MED13L: variants seen among roughly 807,000 people sequenced by gnomAD.
The protein encoded by MED13L is mediator of RNA polymerase II transcription subunit 13-like.
In MED13L, 7 loss-of-function variants were observed where a neutral mutation model predicts 220.9. The observed-to-expected ratio is 0.03, with a 90% CI of 0.02 to 0.06. The LOEUF is 0.06. MED13L is among the 10% of genes least tolerant of loss of function. The pLI is 1.00. For missense variants in MED13L, 1,965 were observed against 2,760.5 expected (o/e 0.71, Z 6.46); for synonymous variants, 1,011 against 1,015.2 (o/e 1.00, Z 0.08).
At chr12:116,085,750 TCACTCACACA>T (rs1469225344) in intron 4 of MED13L, among the ~76,000 whole-genome samples, 3 of 100,060 alleles carry the variant, frequency 3.0e-5, no homozygotes, top group Non-Finnish European at 5.9e-5. Flanking sequence ...AAGATTAAAA[TCACTCACACA>T]CACACACACA....
At position 115,983,146 on chromosome 12, in the gene MED13L, A is replaced by G. The variant is rs907561493; in HGVS notation, c.4926T>C (p.Ser1642=). 6.2e-7 allele frequency: 1 copy of G among 1,613,954 alleles called. No individual in the cohort carries two copies. Among genetic ancestry groups the G allele is most frequent in the South Asian group, 1.1e-5 (1 of 91,066 alleles). ...CGGDTDPGQS[S]SQPSQDGQES... ...CTTGTCCATCCTGTGAGGGCTGAGA[A>G]GAGCTCTGCCCAGGGTCAGTGTCTC... The change falls in exon 21 of 31, where the codon TCT becomes TCC. Residue 1642 remains serine, a synonymous_variant. Transcript: ENST00000281928.
At chr12:116,062,103 C>A (rs921545139) in intron 4 of MED13L, among the ~76,000 whole-genome samples, 4 of 150,382 alleles carry the variant, frequency 2.7e-5, no homozygotes, top group African/African-American at 7.3e-5. Context: ...TGAATCAATT[C>A]TCTTCTATTG....
chr12:116,165,987 A>G (rs190917584), intron 2 of MED13L, among the ~76,000 whole-genome samples: 173 of 152,322 alleles, frequency 1.1e-3, no homozygotes, highest in African/African-American at 3.9e-3. Flanking sequence ...CCTTTCTGCT[A>G]TAAAATATTG....
chr12:116,094,416 T>G (rs946261044), intron 4 of MED13L, among the ~76,000 whole-genome samples: 4 of 152,212 alleles, frequency 2.6e-5, no homozygotes, highest in Non-Finnish European at 4.4e-5. Context: ...CTCCCATTTA[T>G]ATTGAATCAA....
intron 2 of MED13L, among the ~76,000 whole-genome samples, chr12:116,184,178 C>T (rs1264325078): frequency 1.3e-5 from 2 of 152,176 alleles, no homozygotes; most frequent in Non-Finnish European, 2.9e-5. Context: ...TTCAGAAAGG[C>T]AGAAACCCTC....
intron 2 of MED13L, among the ~76,000 whole-genome samples, chr12:116,148,074 A>AAGG (rs1377801971): frequency 2.0e-5 from 2 of 98,304 alleles, no homozygotes; most frequent in African/African-American, 7.8e-5. Flanking sequence ...AAAAAAAAAA[A>AAGG]GAGGGGGGCG....
intron 4 of MED13L, among the ~76,000 whole-genome samples, chr12:116,036,407 C>T (rs541809138): frequency 6.6e-6 from 1 of 152,200 alleles, no homozygotes; most frequent in African/African-American, 2.4e-5. Flanking sequence ...TGTATAAATG[C>T]AAAAGAAGAA....
At chr12:116,037,805 G>A (rs777969843) in intron 4 of MED13L, among the ~76,000 whole-genome samples, 35 of 152,142 alleles carry the variant, frequency 2.3e-4, no homozygotes, top group Non-Finnish European at 3.5e-4. Flanking sequence ...TAGTGAAGAG[G>A]CCGTGACTCA....
chr12:116,243,819 T>C (rs1483211473), intron 1 of MED13L, among the ~76,000 whole-genome samples: 1 of 152,106 alleles, frequency 6.6e-6, no homozygotes, highest in Non-Finnish European at 1.5e-5. Context: ...CTATGTGATG[T>C]TAGGAAATCC....
In MED13L at chr12:116,259,900, T is replaced by A. The variant is rs183551400; in HGVS notation, c.72+17160A>T. 1.4e-4 allele frequency among the ~76,000 whole-genome samples: 21 copies of A among 152,314 alleles called. No individual in the cohort carries two copies. In the East Asian group the frequency reaches 3.7e-3, roughly 27 times the overall value. On this transcript the variant is annotated intron_variant, in intron 1 of 30. Transcript: ENST00000281928. ...AGAAATTACTTTTCCACTAAAATTG[T>A]AATTATGAAAATTATAAGCACATGG...
intron 1 of MED13L, among the ~76,000 whole-genome samples, chr12:116,243,394 T>C (rs1244488671): frequency 6.6e-6 from 1 of 152,080 alleles, no homozygotes; most frequent in Non-Finnish European, 1.5e-5. Flanking sequence ...ACATTAGGCA[T>C]AAATGGGTTA....
chr12:116,200,264 T>C (rs1881928305), intron 2 of MED13L, among the ~76,000 whole-genome samples: 3 of 152,148 alleles, frequency 2.0e-5, no homozygotes, highest in Non-Finnish European at 4.4e-5. Context: ...AAAGTAATAA[T>C]GGCCACACTG....
At chr12:115,994,706 G>T (rs1315206501) in intron 16 of MED13L, among the ~76,000 whole-genome samples, 1 of 152,152 alleles carries the variant, frequency 6.6e-6, no homozygotes, top group African/African-American at 2.4e-5. Context: ...TCATTTATTG[G>T]CAACTGTATG....
At chr12:116,048,867 T>C (rs1881992276) in intron 4 of MED13L, among the ~76,000 whole-genome samples, 1 of 152,200 alleles carries the variant, frequency 6.6e-6, no homozygotes, top group South Asian at 2.1e-4. Flanking sequence ...GACAATGATA[T>C]TCTAATATTC....
intron 2 of MED13L, among the ~76,000 whole-genome samples, chr12:116,170,767 A>G (rs1259173276): frequency 6.6e-6 from 1 of 151,852 alleles, no homozygotes; most frequent in African/African-American, 2.4e-5. Context: ...TGCCTGGCTA[A>G]TTTTTGTATT....
At chr12:116,198,748 C>A (rs61935848) in intron 2 of MED13L, among the ~76,000 whole-genome samples, 3 of 151,938 alleles carry the variant, frequency 2.0e-5, no homozygotes, top group Non-Finnish European at 4.4e-5. Flanking sequence ...ATTCCTCTTA[C>A]AGATCTTATG....
At chr12:116,047,192 GAA>G (rs1226171604) in intron 4 of MED13L, among the ~76,000 whole-genome samples, 1 of 151,640 alleles carries the variant, frequency 6.6e-6, no homozygotes, top group Non-Finnish European at 1.5e-5. Context: ...TCTACAAAAA[GAA>G]AAATAAAAAA....
At chr12:116,157,840 T>C (rs1300865077) in intron 2 of MED13L, among the ~76,000 whole-genome samples, 1 of 152,178 alleles carries the variant, frequency 6.6e-6, no homozygotes, top group Non-Finnish European at 1.5e-5. Flanking sequence ...TTAAAAGATA[T>C]GCTATCAATA....
chr12:116,127,814 C>G (rs1875721820), intron 2 of MED13L, among the ~76,000 whole-genome samples: 1 of 152,196 alleles, frequency 6.6e-6, no homozygotes, highest in Non-Finnish European at 1.5e-5. Flanking sequence ...TCGTAGCATC[C>G]TGCCTCTTAA....
Sources: gnomAD v4.1 joint callset for allele counts (sites outside exome capture counted in the v4.1 genomes callset) on GRCh38, gnomAD v4.1.1 for gene constraint, MANE v1.5 for transcripts, NCBI Gene and HGNC (gene_info 2026-07-23, HGNC 2026-07-21) for gene names.